Variants in CDH18 observed in about 807,000 individuals in gnomAD.
CDH18 encodes cadherin 18.
A neutral mutation model predicts 67.9 loss-of-function variants in CDH18; 31 were observed. That is an observed-to-expected ratio of 0.46 (90% CI 0.34 to 0.62). The LOEUF is 0.62. Among genes scored for constraint, CDH18 ranks in the 20% least tolerant of loss-of-function variants. The pLI is 0.01. For missense variants in CDH18, 890 were observed against 975.5 expected (o/e 0.91, Z 1.17); for synonymous variants, 362 against 347.2 (o/e 1.04, Z -0.48).
At chr5:20,360,922 A>C (rs373210931) in intron 1 of CDH18, among the ~76,000 whole-genome samples, 1 of 152,134 alleles carries the variant, frequency 6.6e-6, no homozygotes, top group African/African-American at 2.4e-5. Flanking sequence ...ATATATTCAA[A>C]GGCAAAATGC....
intron 1 of CDH18, among the ~76,000 whole-genome samples, chr5:19,985,200 G>T (rs1025418540): frequency 6.6e-6 from 1 of 152,048 alleles, no homozygotes; most frequent in Non-Finnish European, 1.5e-5. Flanking sequence ...CCACAGTACT[G>T]TGTTAGGGAT....
chr5:19,977,761 C>T (rs1412713250), intron 2 of CDH18, among the ~76,000 whole-genome samples: 1 of 151,990 alleles, frequency 6.6e-6, no homozygotes, highest in Non-Finnish European at 1.5e-5. Context: ...ATGATTTAAA[C>T]ATGAGATAAG....
chr5:19,517,044 A>G (rs973984698), intron 10 of CDH18, among the ~76,000 whole-genome samples: 23 of 152,118 alleles, frequency 1.5e-4, no homozygotes, highest in African/African-American at 5.6e-4. Context: ...TTAATTTTTT[A>G]TGAAACTGTC....
chr5:20,555,408 CTTTTTTTTTTTTTTTTTTTTTTTTTT>C (rs774396694), intron 1 of CDH18, among the ~76,000 whole-genome samples: 262 of 103,672 alleles, frequency 2.5e-3, no homozygotes, highest in Middle Eastern at 7.7e-3. Flanking sequence ...ACAAGCTTTT[CTTTTTTTTTTTTTTTTTTTTTTTTTT>C]TTTTTTTTTT....
At chr5:19,535,482 GT>G (rs1249037940) in intron 9 of CDH18, among the ~76,000 whole-genome samples, 1 of 152,092 alleles carries the variant, frequency 6.6e-6, no homozygotes, top group Non-Finnish European at 1.5e-5. Context: ...GAGGTGACGG[GT>G]TTTTATATTC....
chr5:20,013,570 G>A (rs188482993), intron 2 of CDH18, among the ~76,000 whole-genome samples: 38 of 151,876 alleles, frequency 2.5e-4, no homozygotes, highest in African/African-American at 9.2e-4. Context: ...TATTTATATT[G>A]ACTGACTAAT....
intron 1 of CDH18, among the ~76,000 whole-genome samples, chr5:20,327,257 G>T (rs1295402001): frequency 6.6e-6 from 1 of 152,178 alleles, no homozygotes. Flanking sequence ...ACACATAGCT[G>T]TAATTTCACA....
intron 1 of CDH18, chr5:20,305,528 G>A (rs1486014195): frequency 1.2e-6 from 1 of 863,266 alleles, no homozygotes; most frequent in Non-Finnish European, 2.0e-6. Context: ...GCGGCGCAGG[G>A]GTCTCGAGCG....
At chr5:19,629,480 T>C (rs1384273003) in intron 5 of CDH18, among the ~76,000 whole-genome samples, 4 of 152,154 alleles carry the variant, frequency 2.6e-5, no homozygotes, top group Non-Finnish European at 5.9e-5. Context: ...GGGCCACTTA[T>C]TACAGTTAAT....
At chr5:20,250,898 G>A (rs1021693935) in intron 2 of CDH18, among the ~76,000 whole-genome samples, 4 of 151,952 alleles carry the variant, frequency 2.6e-5, no homozygotes, top group Non-Finnish European at 5.9e-5. Context: ...GAGCAATGGC[G>A]CCCAGCCAGA....
At chr5:19,655,715 C>T (rs906547736) in intron 5 of CDH18, among the ~76,000 whole-genome samples, 1 of 152,028 alleles carries the variant, frequency 6.6e-6, no homozygotes, top group Non-Finnish European at 1.5e-5. Flanking sequence ...TTGATATAAG[C>T]CTTTCAAACT....
chr5:19,572,615 G>A lies in CDH18; in HGVS notation c.1000-783C>T, dbSNP rs142058553. ...GGCATCCTCTTTCTGGTTTACAGAC[G>A]GCCTCTTACTTGCTGTATCCTCACA... On this transcript the variant is annotated intron_variant, in intron 7 of 12. Transcript: ENST00000382275. Among the ~76,000 whole-genome samples, 669 of 152,100 alleles carry A rather than the reference G, an allele frequency of 4.4e-3. 7 individuals are homozygous for A. The highest frequency in any genetic ancestry group is 0.015 in the African/African-American group (642 of 41,490).
intron 1 of CDH18, among the ~76,000 whole-genome samples, chr5:20,344,620 A>G (rs1310253495): frequency 6.6e-6 from 1 of 152,014 alleles, no homozygotes; most frequent in Non-Finnish European, 1.5e-5. Context: ...CCTAGAGACT[A>G]CAGTTCTCGG....
chr5:19,808,628 C>T lies in CDH18; in HGVS notation c.228+30131G>A, dbSNP rs575281660. Among the ~76,000 whole-genome samples, 36 of 151,860 alleles carry T rather than the reference C, an allele frequency of 2.4e-4. No individual in the cohort carries two copies. In the East Asian group the frequency reaches 7.0e-3, roughly 29 times the overall value. Reference sequence around the variant, plus strand: ...ATCACCTGAGGTCAGGAGTTCTAGACCGGCCTGGCCAACATGGTGAAATCC... The same window carrying T: ...ATCACCTGAGGTCAGGAGTTCTAGATCGGCCTGGCCAACATGGTGAAATCC... On this transcript the variant is annotated intron_variant, in intron 3 of 12. Coordinates refer to ENST00000382275, the MANE Select transcript of CDH18 (RefSeq NM_004934.5).
intron 8 of CDH18, among the ~76,000 whole-genome samples, chr5:19,568,908 G>A (rs959320385): frequency 1.3e-5 from 2 of 152,158 alleles, no homozygotes. Flanking sequence ...CCCTTGCAGG[G>A]GGGTGGATTT....
intron 2 of CDH18, among the ~76,000 whole-genome samples, chr5:19,904,245 G>C (rs1380723583): frequency 1.3e-5 from 2 of 151,272 alleles, no homozygotes; most frequent in Non-Finnish European, 2.9e-5. Flanking sequence ...TTGAACTCCA[G>C]CCTGGGCGAC....
chr5:20,123,886 CAAA>C (rs11292634), intron 2 of CDH18, among the ~76,000 whole-genome samples: 8 of 87,184 alleles, frequency 9.2e-5, no homozygotes, highest in Middle Eastern at 7.4e-3. Flanking sequence ...GACTCCGTCT[CAAA>C]AAAAAAAAAA....
chr5:19,625,131 A>G (rs996303797), intron 5 of CDH18, among the ~76,000 whole-genome samples: 1 of 152,006 alleles, frequency 6.6e-6, no homozygotes, highest in Admixed American at 6.6e-5. Context: ...TGTGGTTCTC[A>G]TGTTGCCACA....
At position 20,497,052 on chromosome 5, in the gene CDH18, T is replaced by C. The variant is rs145129321; in HGVS notation, c.-580+78410A>G. 2.0e-4 allele frequency among the ~76,000 whole-genome samples: 31 copies of C among 152,046 alleles called. No individual in the cohort carries two copies. In the East Asian group the frequency reaches 5.2e-3, roughly 26 times the overall value. ...GAAGGAGAAGGTAGAAAGGAAACCATTTAGAAATTTGAAGGAAAAGCAAAT... is the reference window on the plus strand; with the variant it reads ...GAAGGAGAAGGTAGAAAGGAAACCACTTAGAAATTTGAAGGAAAAGCAAAT... On this transcript the variant is annotated intron_variant, in intron 1 of 14. Coordinates refer to the CDH18 transcript ENST00000507958.
Sources: gnomAD v4.1 joint callset for allele counts (sites outside exome capture counted in the v4.1 genomes callset) on GRCh38, gnomAD v4.1.1 for gene constraint, MANE v1.5 for transcripts, NCBI Gene and HGNC (gene_info 2026-07-23, HGNC 2026-07-21) for gene names.